Variants in VPS39 observed in about 807,000 individuals in gnomAD.
The protein encoded by VPS39 is vam6/Vps39-like protein.
Under a neutral mutation model 121.0 loss-of-function variants are expected in VPS39, and 70 were observed. The ratio of observed to expected loss-of-function variants is 0.58; its 90% CI spans 0.48 to 0.71. VPS39 has a LOEUF of 0.71. Ranked by LOEUF, VPS39 falls within the 30% of genes least tolerant of loss-of-function variation. VPS39 has a pLI of 0.00. For synonymous variants in VPS39, 378 were observed against 398.1 expected, an observed-to-expected ratio of 0.95 and a Z score of 0.60; for missense variants, 818 against 1,051.5, an observed-to-expected ratio of 0.78 and a Z score of 3.07.
At chr15:42,199,738 GA>G (rs1329694513) in intron 2 of VPS39, 157 bp downstream of exon 2, 2 of 724,026 alleles carry the variant, frequency 2.8e-6, no homozygotes, top group Non-Finnish European at 2.2e-6. Flanking sequence ...ATTTGGAGGA[GA>G]AAAACCCTAG....
At chr15:42,167,637 T>C (rs2049271195) in intron 12 of VPS39, 100 bp from the exon 13 acceptor site, 8 of 1,471,740 alleles carry the variant, frequency 5.4e-6, no homozygotes, top group Admixed American at 2.2e-5. Context: ...CTCATGCCTA[T>C]TGGCCTGATC....
chr15:42,189,167 T>C lies in VPS39; in HGVS notation c.289A>G (p.Ile97Val). The C allele has an allele frequency of 6.2e-7, 1 of 1,613,836 alleles. No individual in the cohort carries two copies. The highest frequency in any genetic ancestry group is 8.5e-7 in the Non-Finnish European group (1 of 1,179,836). ...YVHDLLTFQQ[I>V]TTVSKAKGAS... ...CCCTTTGCCTTTGAAACCGTAGTGA[T>C]TTGTTGAAATGTCAATAGGTCATGG... is the stretch of plus-strand genomic sequence containing the variant. The change falls in exon 5 of 25, where the codon ATC (isoleucine) becomes GTC (valine). Residue 97 changes from isoleucine (I) to valine (V), a missense_variant. Coordinates refer to ENST00000318006, the MANE Select transcript of VPS39 (RefSeq NM_015289.5).
At position 42,161,863 on chromosome 15, in the gene VPS39, C is replaced by T. The variant is rs373106552; in HGVS notation, c.2461-90G>A. ...GCCAGCAACTGTGTCCTCTTTCAGT[C>T]GTCACAGATTCTTCTGCTTAGAACA... On this transcript the variant is annotated intron_variant, in intron 23 of 24. Coordinates refer to ENST00000318006, the MANE Select transcript of VPS39 (RefSeq NM_015289.5). 2.1e-3 allele frequency: 3,333 copies of T among 1,588,614 alleles called. 98 individuals are homozygous for T. The South Asian group carries it at 0.035, about 16-fold the overall frequency.
At position 42,164,980 on chromosome 15, in the gene VPS39, C is replaced by G; in HGVS notation, c.1897+16G>C. On this transcript the variant is annotated intron_variant, in intron 18 of 24. Transcript: ENST00000318006. ...CTAAGGCCTGGGGCCAACCGGCTTC[C>G]TAAAAGAACTGGTACCTGCAGGGAA... 1 of 1,614,060 alleles carries G rather than the reference C, an allele frequency of 6.2e-7. No homozygotes were observed. Among genetic ancestry groups the G allele is most frequent in the South Asian group, 1.1e-5 (1 of 91,070 alleles).
At chr15:42,204,190 C>T (rs556192842) in intron 1 of VPS39, among the ~76,000 whole-genome samples, 2 of 152,224 alleles carry the variant, frequency 1.3e-5, no homozygotes, top group East Asian at 1.9e-4. Context: ...CACTTCCCTT[C>T]GTTGGGTAAC....
chr15:42,188,157 C>T (rs2049743776), intron 5 of VPS39, among the ~76,000 whole-genome samples: 1 of 152,192 alleles, frequency 6.6e-6, no homozygotes, highest in African/African-American at 2.4e-5. Context: ...ATAACTCCTC[C>T]CTCCTTTTTG....
intron 9 of VPS39, 49 bp from the exon 10 acceptor site, chr15:42,178,387 G>A (rs1225449705): frequency 2.6e-5 from 42 of 1,613,706 alleles, no homozygotes; most frequent in Non-Finnish European, 3.4e-5. Flanking sequence ...GCTTTGTGAT[G>A]ACACAGGTGA....
intron 2 of VPS39, among the ~76,000 whole-genome samples, chr15:42,199,044 G>A (rs778723422): frequency 6.6e-6 from 1 of 152,118 alleles, no homozygotes; most frequent in Non-Finnish European, 1.5e-5. Context: ...GGTTCCACAA[G>A]AGAGCTCTAT....
At chr15:42,173,697 T>C in intron 11 of VPS39, 26 bp downstream of exon 11, 1 of 1,610,284 alleles carries the variant, frequency 6.2e-7, no homozygotes, top group East Asian at 2.2e-5. Context: ...ATTAGTCCCT[T>C]ATATAAAGGC....
intron 2 of VPS39, among the ~76,000 whole-genome samples, 173 bp from the exon 3 acceptor site, chr15:42,191,733 T>C (rs2049831434): frequency 6.6e-6 from 1 of 152,190 alleles, no homozygotes; most frequent in African/African-American, 2.4e-5. Context: ...ATAAGATGCT[T>C]TCAACTCTAA....
intron 7 of VPS39, among the ~76,000 whole-genome samples, chr15:42,185,242 A>C (rs960281991): frequency 1.3e-5 from 2 of 150,154 alleles, no homozygotes; most frequent in African/African-American, 4.9e-5. Context: ...GCAGTGGCAC[A>C]ATCTCAGCTC....
chr15:42,207,955 G>A (rs940412565), intron 1 of VPS39, 126 bp downstream of exon 1: 68 of 994,360 alleles, frequency 6.8e-5, no homozygotes, highest in South Asian at 4.6e-5. Context: ...CTCATCCTAA[G>A]CCCCTCTCGT....
At chr15:42,168,519 A>G (rs1347204499) in intron 12 of VPS39, among the ~76,000 whole-genome samples, 4 of 151,472 alleles carry the variant, frequency 2.6e-5, no homozygotes, top group Non-Finnish European at 5.9e-5. Flanking sequence ...AAGTGGCATG[A>G]CAATTTTTCC....
intron 23 of VPS39, 122 bp downstream of exon 23, chr15:42,161,910 G>C (rs1165437871): frequency 6.3e-7 from 1 of 1,588,782 alleles, no homozygotes; most frequent in East Asian, 2.2e-5. Flanking sequence ...ATGTCAAGCT[G>C]GCTACTGGAT....
chr15:42,168,688 C>A (rs1252280761), intron 12 of VPS39, among the ~76,000 whole-genome samples: 1 of 152,040 alleles, frequency 6.6e-6, no homozygotes, highest in Non-Finnish European at 1.5e-5. Context: ...GGATTACAGG[C>A]GTGGGCCACC....
chr15:42,163,256 T>C (rs1236228981), intron 21 of VPS39, 94 bp downstream of exon 21: 9 of 1,451,496 alleles, frequency 6.2e-6, no homozygotes, highest in Non-Finnish European at 8.7e-6. Context: ...ACTCGTGCCC[T>C]GTCTTATTCT....
intron 11 of VPS39, among the ~76,000 whole-genome samples, chr15:42,171,558 A>C (rs1055950442): frequency 6.6e-6 from 1 of 152,172 alleles, no homozygotes; most frequent in Non-Finnish European, 1.5e-5. Flanking sequence ...CTGCTCATTC[A>C]GCTCATCCAA....
At chr15:42,202,866 C>T (rs1378253024) in intron 1 of VPS39, among the ~76,000 whole-genome samples, 1 of 152,156 alleles carries the variant, frequency 6.6e-6, no homozygotes, top group African/African-American at 2.4e-5. Context: ...TATCTTAGAG[C>T]AGATCTCTGA....
chr15:42,184,635 T>A lies in VPS39; in HGVS notation c.600A>T (p.Ala200=), dbSNP rs778897791. ...PTGKQLEPLV[A]PLADGKVAVG... ...CAGCCACTTTTCCATCTGCCAGAGG[T>A]GCAACTAAGGGCTCCAGCTGTTTTC... is the stretch of plus-strand genomic sequence containing the variant. Residue 200 remains alanine (A), a synonymous_variant, in exon 8 of 25, where the codon GCA becomes GCT. Transcript: ENST00000318006. The A allele has an allele frequency of 3.7e-6, 6 of 1,614,048 alleles. No homozygotes were observed. Among genetic ancestry groups the A allele is most frequent in the Non-Finnish European group, 5.1e-6 (6 of 1,180,000 alleles).
Sources: gnomAD v4.1 joint callset for allele counts (sites outside exome capture counted in the v4.1 genomes callset) on GRCh38, gnomAD v4.1.1 for gene constraint, MANE v1.5 for transcripts, NCBI Gene and HGNC (gene_info 2026-07-23, HGNC 2026-07-21) for gene names.